Variants in BMPR1A observed in about 807,000 individuals in gnomAD.
The protein encoded by BMPR1A is bone morphogenetic protein receptor type 1A.
In BMPR1A, 7 loss-of-function variants were observed where a neutral mutation model predicts 66.0. The ratio of observed to expected loss-of-function variants is 0.11; its 90% CI spans 0.06 to 0.20. The LOEUF is 0.20. Ranked by LOEUF, BMPR1A falls within the 10% of genes least tolerant of loss-of-function variation. The pLI is 1.00. For missense variants in BMPR1A, 408 were observed against 669.1 expected, an observed-to-expected ratio of 0.61 and a Z score of 4.31; for synonymous variants, 200 against 229.7, an observed-to-expected ratio of 0.87 and a Z score of 1.17.
intron 1 of BMPR1A, among the ~76,000 whole-genome samples, chr10:86,776,963 C>T (rs1734095600): frequency 6.6e-6 from 1 of 152,164 alleles, no homozygotes; most frequent in South Asian, 2.1e-4. Context: ...CAGTTCTACC[C>T]TGATCATCAC....
At chr10:86,923,314 C>G in intron 11 of BMPR1A, 62 bp from the exon 12 acceptor site, 1 of 1,603,494 alleles carries the variant, frequency 6.2e-7, no homozygotes, top group Non-Finnish European at 8.5e-7. Flanking sequence ...AAGATGCTTA[C>G]TAGATTGGTA....
At chr10:86,860,562 G>A (rs974784854) in intron 2 of BMPR1A, among the ~76,000 whole-genome samples, 17 of 152,076 alleles carry the variant, frequency 1.1e-4, no homozygotes, top group Non-Finnish European at 1.8e-4. Flanking sequence ...CCGAGATCAA[G>A]AGTTCGAGAC....
intron 2 of BMPR1A, chr10:86,855,606 G>C (rs1842629924): frequency 1.6e-6 from 1 of 611,730 alleles, no homozygotes; most frequent in Non-Finnish European, 2.9e-6. Flanking sequence ...AAGAACTCTT[G>C]AGTATTTACT....
intron 2 of BMPR1A, chr10:86,856,296 G>C (rs533403083): frequency 7.7e-5 from 38 of 496,552 alleles, no homozygotes; most frequent in African/African-American, 6.5e-4. Flanking sequence ...GTGGCATTTC[G>C]AGAATGGTGG....
chr10:86,759,452 A>G (rs1477347041), intron 1 of BMPR1A, among the ~76,000 whole-genome samples: 1 of 152,210 alleles, frequency 6.6e-6, no homozygotes. Context: ...TGCTTTCTAC[A>G]TATCTGTACC....
chr10:86,770,783 A>C (rs1841245495), intron 1 of BMPR1A, among the ~76,000 whole-genome samples: 1 of 152,232 alleles, frequency 6.6e-6, no homozygotes, highest in Admixed American at 6.5e-5. Context: ...GATCTCCATA[A>C]GAAGTGGAAA....
At chr10:86,858,254 A>G (rs1283719672) in intron 2 of BMPR1A, among the ~76,000 whole-genome samples, 1 of 152,224 alleles carries the variant, frequency 6.6e-6, no homozygotes, top group East Asian at 1.9e-4. Context: ...TAATGTGATA[A>G]AGACTTTCAT....
chr10:86,790,031 C>G (rs1224250851), intron 1 of BMPR1A, among the ~76,000 whole-genome samples: 1 of 149,682 alleles, frequency 6.7e-6, no homozygotes, highest in African/African-American at 2.5e-5. Context: ...TGGCAGGTTC[C>G]TGTAGTCCCA....
intron 9 of BMPR1A, among the ~76,000 whole-genome samples, chr10:86,918,666 C>G (rs541244750): frequency 6.8e-6 from 1 of 147,848 alleles, no homozygotes; most frequent in African/African-American, 2.5e-5. Context: ...TTCTGTCGCT[C>G]AGGCTGGAGT....
intron 2 of BMPR1A, among the ~76,000 whole-genome samples, chr10:86,839,260 T>A (rs1842392356): frequency 6.6e-6 from 1 of 152,188 alleles, no homozygotes; most frequent in Non-Finnish European, 1.5e-5. Flanking sequence ...AAGCATTAAA[T>A]GGTTTATATG....
intron 3 of BMPR1A, among the ~76,000 whole-genome samples, chr10:86,879,575 GT>G (rs1043508810): frequency 6.6e-6 from 1 of 152,168 alleles, no homozygotes; most frequent in African/African-American, 2.4e-5. Flanking sequence ...TACCACATTT[GT>G]TGACCTGACA....
intron 1 of BMPR1A, among the ~76,000 whole-genome samples, chr10:86,798,442 G>A (rs1841757290): frequency 1.3e-5 from 2 of 152,016 alleles, no homozygotes; most frequent in Non-Finnish European, 1.5e-5. Context: ...AATGTTCCTT[G>A]AGCCTTAGAA....
At chr10:86,897,848 C>T (rs529149496) in intron 5 of BMPR1A, among the ~76,000 whole-genome samples, 372 of 152,260 alleles carry the variant, frequency 2.4e-3, no homozygotes, top group Admixed American at 4.8e-3. Flanking sequence ...TCAAGCCATT[C>T]TGCCACTTCA....
intron 2 of BMPR1A, among the ~76,000 whole-genome samples, chr10:86,848,596 A>G (rs1037795263): frequency 3.9e-5 from 6 of 152,154 alleles, no homozygotes; most frequent in African/African-American, 1.2e-4. Context: ...TGCTTTTAAC[A>G]TACTACCTTT....
chr10:86,918,033 GCCT>G (rs1843603736), intron 9 of BMPR1A, among the ~76,000 whole-genome samples: 1 of 152,138 alleles, frequency 6.6e-6, no homozygotes, highest in African/African-American at 2.4e-5. Context: ...AGCCTTCCTT[GCCT>G]CCTCTGGCTA....
intron 5 of BMPR1A, among the ~76,000 whole-genome samples, chr10:86,899,280 G>C (rs746173280): frequency 1.8e-4 from 27 of 152,204 alleles, no homozygotes; most frequent in Non-Finnish European, 3.7e-4. Context: ...CTGGTGGTCT[G>C]TAATCAGCTC....
chr10:86,846,719 C>A (rs916970405), intron 2 of BMPR1A, among the ~76,000 whole-genome samples: 16 of 150,290 alleles, frequency 1.1e-4, no homozygotes, highest in African/African-American at 3.2e-4. Context: ...CACACACACA[C>A]AAAAAAAATT....
intron 2 of BMPR1A, among the ~76,000 whole-genome samples, chr10:86,840,396 G>C (rs1431197829): frequency 6.6e-6 from 1 of 151,964 alleles, no homozygotes; most frequent in Admixed American, 6.6e-5. Context: ...TTCTTTCTCA[G>C]TTCTTTTGGT....
intron 1 of BMPR1A, among the ~76,000 whole-genome samples, chr10:86,767,583 T>G (rs1399530590): frequency 6.6e-6 from 1 of 152,066 alleles, no homozygotes; most frequent in Non-Finnish European, 1.5e-5. Flanking sequence ...GAAGCTGAGG[T>G]GGGGGGATCG....
Sources: allele counts gnomAD v4.1 joint callset (sites outside exome capture counted in the v4.1 genomes callset), GRCh38; gene constraint gnomAD v4.1.1; transcripts MANE v1.5; gene names NCBI Gene and HGNC (gene_info 2026-07-23, HGNC 2026-07-21).